RABGAP1L: variants seen among roughly 807,000 people sequenced by gnomAD.
RABGAP1L encodes the protein RAB GTPase activating protein 1 like.
Under a neutral mutation model 137.7 loss-of-function variants are expected in RABGAP1L, and 63 were observed. The ratio of observed to expected loss-of-function variants is 0.46; its 90% CI spans 0.37 to 0.56. The LOEUF (loss-of-function observed/expected upper bound fraction) is 0.56. RABGAP1L is among the 20% of genes least tolerant of loss of function. The probability of loss-of-function intolerance (pLI) is 0.00; values close to 1 mark genes in which losing one functional copy is unlikely to be tolerated. For missense variants in RABGAP1L, 1,095 were observed against 1,244.0 expected, an observed-to-expected ratio of 0.88 and a Z score of 1.80; for synonymous variants, 431 against 433.7, an observed-to-expected ratio of 0.99 and a Z score of 0.08.
At chr1:174,247,111 C>T (rs1034419122) in intron 5 of RABGAP1L, among the ~76,000 whole-genome samples, 1 of 152,096 alleles carries the variant, frequency 6.6e-6, no homozygotes, top group African/African-American at 2.4e-5. Flanking sequence ...GAAGCCTTGC[C>T]AGATGCTTTA....
chr1:174,851,532 T>C (rs1049691108), intron 19 of RABGAP1L, among the ~76,000 whole-genome samples: 1 of 151,888 alleles, frequency 6.6e-6, no homozygotes, highest in Non-Finnish European at 1.5e-5. Context: ...ATTTCTTTCT[T>C]TTTTTTTGAG....
rs1200455547 is a variant in RABGAP1L, at chr1:174,992,903, G to A, written c.*2902G>A. On this transcript the variant is annotated 3_prime_UTR_variant, in exon 26 of 26. Transcript: ENST00000681986. ...CAGGAAAGTTTCAAAACATTCTAGT[G>A]TTTTTCATCCTTTGCTAGGATGCAC... The A allele has an allele frequency of 6.6e-6, 1 of 152,126 alleles. No homozygotes were observed. Among genetic ancestry groups the A allele is most frequent in the Non-Finnish European group, 1.5e-5 (1 of 68,014 alleles). 9.4% of individuals were successfully genotyped at this position (152,126 alleles called of 1,614,324 possible). A position where few individuals can be genotyped will look rare whatever the true frequency, so the allele number is the denominator to read the frequency against.
intron 13 of RABGAP1L, 55 bp downstream of exon 13, chr1:174,394,200 C>G: frequency 6.4e-7 from 1 of 1,574,280 alleles, no homozygotes; most frequent in Non-Finnish European, 8.6e-7. Context: ...TAAATAAATC[C>G]TAGTTTTCAT....
At chr1:174,969,520 T>TA (rs1180775618) in intron 21 of RABGAP1L, 133 bp downstream of exon 21, 4 of 672,290 alleles carry the variant, frequency 5.9e-6, no homozygotes, top group Non-Finnish European at 1.0e-5. Context: ...GACAGTCTGT[T>TA]AATTGGAGAC....
chr1:174,928,584 TG>T (rs1663207893), intron 19 of RABGAP1L, among the ~76,000 whole-genome samples: 2 of 152,222 alleles, frequency 1.3e-5, no homozygotes, highest in African/African-American at 4.8e-5. Context: ...TTATCTACAT[TG>T]AGTCCTGGGT....
At chr1:174,444,468 G>A (rs1274547947) in intron 13 of RABGAP1L, among the ~76,000 whole-genome samples, 1 of 152,042 alleles carries the variant, frequency 6.6e-6, no homozygotes, top group Non-Finnish European at 1.5e-5. Flanking sequence ...AATGAGTTTG[G>A]AAGTATTCTC....
intron 12 of RABGAP1L, among the ~76,000 whole-genome samples, chr1:174,387,870 A>AT (rs1190085749): frequency 6.6e-6 from 1 of 152,038 alleles, no homozygotes; most frequent in African/African-American, 2.4e-5. Flanking sequence ...AACTTGTTGG[A>AT]TTTTTTACAA....
intron 19 of RABGAP1L, among the ~76,000 whole-genome samples, chr1:174,924,922 G>A (rs1662455912): frequency 6.6e-6 from 1 of 152,162 alleles, no homozygotes; most frequent in African/African-American, 2.4e-5. Context: ...ACAAGGTCAG[G>A]AAGATCAGTA....
intron 15 of RABGAP1L, among the ~76,000 whole-genome samples, chr1:174,690,823 A>T (rs1010867596): frequency 1.4e-5 from 2 of 142,606 alleles, no homozygotes; most frequent in African/African-American, 2.6e-5. Flanking sequence ...GTTCACCAGC[A>T]TTCATCTTTT....
At chr1:174,389,076 ATTAC>A (rs1687024161) in intron 12 of RABGAP1L, among the ~76,000 whole-genome samples, 1 of 152,068 alleles carries the variant, frequency 6.6e-6, no homozygotes, top group Admixed American at 6.5e-5. Flanking sequence ...ATGGCTATTC[ATTAC>A]TTATCAGCAG....
In RABGAP1L at chr1:174,311,983, C is replaced by T. The variant is rs115283097; in HGVS notation, c.1465+6856C>T. Among the ~76,000 whole-genome samples, 529 of 152,270 alleles carry T rather than the reference C, an allele frequency of 3.5e-3. 3 individuals are homozygous for T. The highest frequency in any genetic ancestry group is 0.012 in the African/African-American group (506 of 41,566). On this transcript the variant is annotated intron_variant, in intron 11 of 25. Transcript: ENST00000681986. ...ATGTAAGTATCACATTTTCTTTATC[C>T]ATTTATCTGTTGATGGACACTTGGG...
chr1:174,182,232 C>CG (rs533057617), intron 1 of RABGAP1L, among the ~76,000 whole-genome samples: 60 of 151,164 alleles, frequency 4.0e-4, no homozygotes, highest in African/African-American at 1.3e-3. Flanking sequence ...TGAGGAGATT[C>CG]GGGGAAAAAA....
rs1558021446 is a variant in RABGAP1L at position 174,195,696 on chromosome 1, C to CTT, written c.-33-23429_-33-23428insTT. On this transcript the variant is annotated intron_variant, in intron 1 of 25. Transcript: ENST00000681986. The stretch of plus-strand genomic sequence containing the variant: ...TCCTTCTTTCCTTCTTTCCTTCTTT[C>CTT]CTTCTTTCCTTCTTTCTTTTCTTTC... Among the ~76,000 whole-genome samples, 4 of 111,104 alleles carry CTT rather than the reference C, an allele frequency of 3.6e-5. No individual in the cohort carries two copies. In the East Asian group the frequency reaches 7.2e-4, roughly 20 times the overall value. The allele number at this position is 111,104 out of a possible 152,430, so 72.9% of individuals were successfully genotyped here.
intron 13 of RABGAP1L, among the ~76,000 whole-genome samples, chr1:174,534,364 G>A (rs542038388): frequency 6.6e-6 from 1 of 152,218 alleles, no homozygotes; most frequent in African/African-American, 2.4e-5. Context: ...CCCAGTGGAT[G>A]TCTAAAACTA....
intron 15 of RABGAP1L, among the ~76,000 whole-genome samples, chr1:174,697,547 G>T (rs1173391717): frequency 1.3e-5 from 2 of 152,138 alleles, no homozygotes; most frequent in Non-Finnish European, 2.9e-5. Flanking sequence ...TCGAACTCCT[G>T]ACCTCAGGTA....
intron 19 of RABGAP1L, among the ~76,000 whole-genome samples, chr1:174,913,925 G>A (rs1660446788): frequency 6.6e-6 from 1 of 152,070 alleles, no homozygotes; most frequent in Non-Finnish European, 1.5e-5. Flanking sequence ...TAAATACCTA[G>A]ACTTTAGATA....
chr1:174,412,109 A>G (rs764755679), intron 13 of RABGAP1L, among the ~76,000 whole-genome samples: 3 of 151,980 alleles, frequency 2.0e-5, no homozygotes, highest in Non-Finnish European at 4.4e-5. Flanking sequence ...CTGTGTGGCT[A>G]AGTCTTTTCA....
chr1:174,505,724 A>G (rs1661753270), intron 13 of RABGAP1L, among the ~76,000 whole-genome samples: 1 of 152,206 alleles, frequency 6.6e-6, no homozygotes, highest in Non-Finnish European at 1.5e-5. Flanking sequence ...TACAACCATT[A>G]TGGAAAACAG....
intron 13 of RABGAP1L, among the ~76,000 whole-genome samples, chr1:174,636,234 T>G (rs539335448): frequency 3.3e-5 from 5 of 152,302 alleles, no homozygotes; most frequent in African/African-American, 1.2e-4. Context: ...AGGCTTATCT[T>G]TAAAGAAGAT....
Sources: gnomAD v4.1 joint callset for allele counts (sites outside exome capture counted in the v4.1 genomes callset) on GRCh38, gnomAD v4.1.1 for gene constraint, MANE v1.5 for transcripts, NCBI Gene and HGNC (gene_info 2026-07-23, HGNC 2026-07-21) for gene names.